Variants in NIPBL observed in about 807,000 individuals in gnomAD.
NIPBL encodes the protein nipped-B-like protein.
In NIPBL, 19 loss-of-function variants were observed where a neutral mutation model predicts 321.8. The observed-to-expected ratio is 0.06, with a 90% CI of 0.04 to 0.09. The LOEUF (loss-of-function observed/expected upper bound fraction) is 0.09, where lower values mean the gene tolerates loss of function less well. Among genes scored for constraint, NIPBL ranks in the 10% least tolerant of loss-of-function variants. NIPBL has a pLI of 1.00. For missense variants in NIPBL, 2,210 were observed against 3,327.0 expected, an observed-to-expected ratio of 0.66 and a Z score of 8.26; for synonymous variants, 1,106 against 1,114.1, an observed-to-expected ratio of 0.99 and a Z score of 0.14.
chr5:36,897,566 CTT>C (rs1043679502), intron 1 of NIPBL, among the ~76,000 whole-genome samples: 17 of 152,066 alleles, frequency 1.1e-4, no homozygotes, highest in Non-Finnish European at 2.2e-4. Context: ...CTTAAACAAA[CTT>C]ACGCACATAT....
chr5:36,880,735 G>GT (rs1745439484), intron 1 of NIPBL, among the ~76,000 whole-genome samples: 1 of 151,906 alleles, frequency 6.6e-6, no homozygotes, highest in South Asian at 2.1e-4. Flanking sequence ...AAAGTTTTTC[G>GT]TTTTTTCAGC....
chr5:36,940,914 T>A (rs903831278), intron 1 of NIPBL, among the ~76,000 whole-genome samples: 1 of 152,188 alleles, frequency 6.6e-6, no homozygotes, highest in Non-Finnish European at 1.5e-5. Flanking sequence ...ATCACAAATA[T>A]GTAATTATAT....
chr5:37,024,486 A>C, intron 29 of NIPBL, 99 bp from the exon 30 acceptor site: 1 of 971,192 alleles, frequency 1.0e-6, no homozygotes, highest in East Asian at 2.5e-5. Context: ...TATCATGTTA[A>C]CAAATAGTGA....
chr5:37,002,820 A>AT, intron 15 of NIPBL, 55 bp downstream of exon 15: 4 of 1,052,436 alleles, frequency 3.8e-6, no homozygotes, highest in Non-Finnish European at 5.8e-6. Context: ...TTTGAAATTA[A>AT]TTTAAGGTTT....
At chr5:36,973,630 G>A (rs1031912504) in intron 8 of NIPBL, among the ~76,000 whole-genome samples, 4 of 151,936 alleles carry the variant, frequency 2.6e-5, no homozygotes, top group Non-Finnish European at 5.9e-5. Context: ...ACCACGCCCG[G>A]GTGATTTTTT....
chr5:36,989,491 G>T (rs1303499725), intron 10 of NIPBL, among the ~76,000 whole-genome samples: 1 of 152,004 alleles, frequency 6.6e-6, no homozygotes, highest in Non-Finnish European at 1.5e-5. Context: ...CAAAAAATAT[G>T]TTGTTAAAAA....
intron 31 of NIPBL, among the ~76,000 whole-genome samples, chr5:37,026,651 A>G (rs528526903): frequency 2.4e-4 from 36 of 152,374 alleles, no homozygotes; most frequent in Non-Finnish European, 4.1e-4. Context: ...CTGCAAAGAT[A>G]GTAATGCCTA....
chr5:37,001,916 TG>T (rs1746852843), intron 14 of NIPBL, among the ~76,000 whole-genome samples: 2 of 152,190 alleles, frequency 1.3e-5, no homozygotes, highest in Non-Finnish European at 1.5e-5. Flanking sequence ...TGAGTATCAT[TG>T]TGTTTGCTGA....
At chr5:37,036,666 A>G (rs1751731107) in intron 33 of NIPBL, among the ~76,000 whole-genome samples, 179 bp downstream of exon 33, 2 of 150,636 alleles carry the variant, frequency 1.3e-5, no homozygotes, top group Non-Finnish European at 3.0e-5. Context: ...AGATTATATT[A>G]AGATTGACTA....
intron 11 of NIPBL, among the ~76,000 whole-genome samples, chr5:36,997,694 A>G (rs1354295484): frequency 6.6e-6 from 1 of 152,212 alleles, no homozygotes; most frequent in African/African-American, 2.4e-5. Context: ...TTATTTCTAT[A>G]CAAGTAACTA....
At chr5:37,042,191 C>T (rs1236880424) in intron 34 of NIPBL, among the ~76,000 whole-genome samples, 1 of 152,072 alleles carries the variant, frequency 6.6e-6, no homozygotes, top group Non-Finnish European at 1.5e-5. Flanking sequence ...AATCCCAGCA[C>T]TTTGGGAGGC....
chr5:36,880,001 A>G (rs1211818890), intron 1 of NIPBL, among the ~76,000 whole-genome samples: 4 of 152,188 alleles, frequency 2.6e-5, no homozygotes, highest in African/African-American at 9.6e-5. Flanking sequence ...TCTGCTTTTA[A>G]GGAAAAGTTA....
chr5:37,011,165 A>C (rs1239177512), intron 21 of NIPBL, among the ~76,000 whole-genome samples: 5 of 152,310 alleles, frequency 3.3e-5, no homozygotes, highest in Middle Eastern at 3.4e-3. Flanking sequence ...CTTTTATCTC[A>C]ACAAAAGTTT....
In NIPBL at chr5:36,913,757, A is replaced by G. The variant is rs569799043; in HGVS notation, c.-80+36579A>G. Reference sequence around the variant, plus strand: ...TTATTACATGTTTGTGCTTTTCTCTATTGATTATGGGAAATTGTTAAGACA... The same window carrying G: ...TTATTACATGTTTGTGCTTTTCTCTGTTGATTATGGGAAATTGTTAAGACA... On this transcript the variant is annotated intron_variant, in intron 1 of 46. Coordinates refer to ENST00000282516, the MANE Select transcript of NIPBL (RefSeq NM_133433.4). Among the ~76,000 whole-genome samples, 11 of 152,298 alleles carry G rather than the reference A, an allele frequency of 7.2e-5. No homozygotes were observed. In the East Asian group the frequency reaches 2.1e-3, roughly 29 times the overall value.
intron 16 of NIPBL, 100 bp from the exon 17 acceptor site, chr5:37,006,257 T>C: frequency 1.3e-6 from 1 of 741,598 alleles, no homozygotes; most frequent in South Asian, 1.5e-5. Flanking sequence ...ACACACATCA[T>C]AACACTTTTC....
chr5:37,064,410 G>A, intron 46 of NIPBL, 117 bp from the exon 47 acceptor site: 2 of 1,554,046 alleles, frequency 1.3e-6, no homozygotes, highest in South Asian at 2.3e-5. Flanking sequence ...GGCAATGGAA[G>A]TGTGCCGGGA....
rs1436286329 is a variant in NIPBL, at chr5:36,976,233, A to T, written c.1326A>T (p.Ser442=). Residue 442 remains serine, a synonymous_variant, in exon 9 of 47, where the codon TCA becomes TCT. Transcript: ENST00000282516. The stretch of plus-strand genomic sequence containing the variant: ...TGCCTGTTTTACAACAGAACACTTC[A>T]GTTGCTGCAAAACAACCCCAGACTT... ...NQVPVLQQNT[S]VAAKQPQTSV... 2 of 1,613,840 alleles carry T rather than the reference A, an allele frequency of 1.2e-6. No individual in the cohort carries two copies. Among genetic ancestry groups the T allele is most frequent in the African/African-American group, 2.7e-5 (2 of 75,042 alleles).
chr5:37,035,342 C>T (rs185791817), intron 32 of NIPBL, among the ~76,000 whole-genome samples: 5 of 152,264 alleles, frequency 3.3e-5, no homozygotes, highest in African/African-American at 9.6e-5. Flanking sequence ...GAAGAATTTG[C>T]GGTTCATAGT....
rs1753206715 is a variant in NIPBL at position 37,048,591 on chromosome 5, G to A, written c.6679G>A (p.Val2227Ile). 6.2e-7 allele frequency: 1 copy of A among 1,600,914 alleles called. No homozygotes were observed. The highest frequency in any genetic ancestry group is 8.5e-7 in the Non-Finnish European group (1 of 1,170,542). Residue 2227 changes from valine (V) to isoleucine (I), a missense_variant, in exon 39 of 47, where the codon GTC (valine) becomes ATC (isoleucine). By Grantham distance (29) the Val-to-Ile change is conservative (BLOSUM62 3). Transcript: ENST00000282516. ...TATTTTATCTGATAAGAACTCCTCA[G>A]TCAATTTAAAAATACAAGTGTTAAA... ...NNILSDKNSS[V>I]NLKIQVLKNL...
Sources: allele counts gnomAD v4.1 joint callset (sites outside exome capture counted in the v4.1 genomes callset), GRCh38; gene constraint gnomAD v4.1.1; transcripts MANE v1.5; gene names NCBI Gene and HGNC (gene_info 2026-07-23, HGNC 2026-07-21).